Variants in ALS2 observed in about 807,000 individuals in gnomAD.
The protein encoded by ALS2 is alsin Rho guanine nucleotide exchange factor ALS2, also known as alsin.
In ALS2, 117 loss-of-function variants were observed where a neutral mutation model predicts 203.4. That is an observed-to-expected ratio of 0.58 (90% CI 0.50 to 0.67). The LOEUF (loss-of-function observed/expected upper bound fraction) is 0.67. Among genes scored for constraint, ALS2 ranks in the 30% least tolerant of loss-of-function variants. The probability of loss-of-function intolerance (pLI) is 0.00; values close to 1 mark genes in which losing one functional copy is unlikely to be tolerated. For synonymous variants in ALS2, 718 were observed against 725.9 expected (o/e 0.99, Z 0.17); for missense variants, 1,715 against 1,989.4 (o/e 0.86, Z 2.62).
At chr2:201,751,998 T>C (rs1693095304) in intron 7 of ALS2, among the ~76,000 whole-genome samples, 1 of 152,186 alleles carries the variant, frequency 6.6e-6, no homozygotes, top group Non-Finnish European at 1.5e-5. Flanking sequence ...GTTGCATTGA[T>C]CTGTTTAATT....
In ALS2 at chr2:201,761,271, A is replaced by T; in HGVS notation, c.723T>A (p.Thr241=). Residue 241 remains threonine (T), a synonymous_variant, in exon 4 of 34, where the codon ACT becomes ACA. Transcript: ENST00000264276. The part of the protein sequence containing the change: ...RCNQCSQLLI[T]MTDKEDHVII... ...TCACATGGTCTTCTTTGTCAGTCAT[A>T]GTAATCAAGAGCTGGCTGCACTGGT... 6.2e-7 allele frequency: 1 copy of T among 1,614,176 alleles called. No homozygotes were observed. Among genetic ancestry groups the T allele is most frequent in the East Asian group, 2.2e-5 (1 of 44,880 alleles).
intron 27 of ALS2, 49 bp downstream of exon 27, chr2:201,709,832 A>G: frequency 5.0e-6 from 8 of 1,610,712 alleles, no homozygotes; most frequent in Non-Finnish European, 6.8e-6. Flanking sequence ...AAGCACTGGT[A>G]TAAAATAGTA....
At chr2:201,732,511 T>A (rs1411548159) in intron 13 of ALS2, among the ~76,000 whole-genome samples, 1 of 151,790 alleles carries the variant, frequency 6.6e-6, no homozygotes, top group East Asian at 1.9e-4. Context: ...GAGGTTGCAG[T>A]GAGCCAAGAT....
intron 24 of ALS2, among the ~76,000 whole-genome samples, chr2:201,717,856 C>T (rs776565602): frequency 4.6e-5 from 7 of 151,900 alleles, no homozygotes; most frequent in Non-Finnish European, 7.4e-5. Flanking sequence ...GGGAGGATCA[C>T]GTGAACCCAG....
chr2:201,703,999 T>A, intron 33 of ALS2, 123 bp downstream of exon 33: 2 of 788,984 alleles, frequency 2.5e-6, no homozygotes, highest in Non-Finnish European at 4.3e-6. Context: ...CAAAATGTGC[T>A]CTAAAGGCAT....
In ALS2 at chr2:201,768,828, T is replaced by TCCTA. The variant is rs768555104; in HGVS notation, c.20+34_20+37dup. 2.1e-5 allele frequency: 34 copies of TCCTA among 1,603,688 alleles called. No individual in the cohort carries two copies. The South Asian group carries it at 3.3e-4, about 16-fold the overall frequency. ...ATATGTGAAGCTGTTTGCTATGTTT[T>TCCTA]CCTAGGAGGATAAGAGAAAAGGAAG... On this transcript the variant is annotated intron_variant, in intron 2 of 33. Transcript: ENST00000264276.
At chr2:201,775,658 C>T (rs1275386457) in intron 1 of ALS2, among the ~76,000 whole-genome samples, 3 of 152,234 alleles carry the variant, frequency 2.0e-5, no homozygotes, top group South Asian at 2.1e-4. Flanking sequence ...GGCCAACTAA[C>T]CACCAAGAAG....
intron 11 of ALS2, among the ~76,000 whole-genome samples, chr2:201,740,553 T>C (rs1692206859): frequency 6.6e-6 from 1 of 152,046 alleles, no homozygotes; most frequent in Non-Finnish European, 1.5e-5. Flanking sequence ...AAAATCTAGT[T>C]TTAAAAAAGA....
chr2:201,703,760 T>C (rs1438721284), intron 33 of ALS2, among the ~76,000 whole-genome samples: 1 of 152,230 alleles, frequency 6.6e-6, no homozygotes, highest in African/African-American at 2.4e-5. Flanking sequence ...CTGCCTTCTG[T>C]GTTTTACCCT....
chr2:201,724,158 C>T (rs975689165), intron 21 of ALS2, 137 bp downstream of exon 21: 4 of 885,094 alleles, frequency 4.5e-6, no homozygotes, highest in Non-Finnish European at 7.1e-6. Flanking sequence ...AAAGAAGGTT[C>T]ATTTTTCACC....
rs576502295 is a variant in ALS2, at chr2:201,761,398, G to A, written c.596C>T (p.Ala199Val). 4 of 1,611,046 alleles carry A rather than the reference G, an allele frequency of 2.5e-6. No individual in the cohort carries two copies. The highest frequency in any genetic ancestry group is 2.2e-5 in the South Asian group (2 of 90,972). Residue 199 changes from alanine to valine, a missense_variant, in exon 4 of 34, where the codon GCT becomes GTT. Physicochemically the swap from Ala to Val is moderately conservative, Grantham distance 64. Transcript: ENST00000264276. The stretch of plus-strand genomic sequence containing the variant: ...GGCAACTTGAAGCACCACTCGCCCA[G>A]CAAGATGTTCTACCTTTTGCGGCTT... The part of the protein sequence containing the change: ...VTKPQKVEHL[A>V]GRVVLQVACG...
chr2:201,750,702 A>G lies in ALS2; in HGVS notation c.1738-913T>C, dbSNP rs74472121. Among the ~76,000 whole-genome samples, 264 of 152,348 alleles carry G rather than the reference A, an allele frequency of 1.7e-3. 3 individuals are homozygous for G. The East Asian group carries it at 0.037, about 21-fold the overall frequency. ...AGTACAAAAATAAAAATAGAAATAA[A>G]GTGAAAATCACTGATCAACCACTTG... On this transcript the variant is annotated intron_variant, in intron 7 of 33. Coordinates refer to ENST00000264276, the MANE Select transcript of ALS2 (RefSeq NM_020919.4).
At chr2:201,727,384 T>A in intron 16 of ALS2, 106 bp from the exon 17 acceptor site, 1 of 999,338 alleles carries the variant, frequency 1.0e-6, no homozygotes, top group African/African-American at 1.6e-5. Flanking sequence ...GGAACAGAAA[T>A]CAATTAATGT....
intron 8 of ALS2, 146 bp downstream of exon 8, chr2:201,749,566 T>C: frequency 1.3e-6 from 1 of 782,342 alleles, no homozygotes; most frequent in Non-Finnish European, 2.1e-6. Context: ...TGGCTTCCTG[T>C]TTTTAAAAAT....
intron 5 of ALS2, among the ~76,000 whole-genome samples, chr2:201,756,319 T>A (rs1374193270): frequency 2.0e-5 from 3 of 151,180 alleles, no homozygotes; most frequent in East Asian, 3.9e-4. Context: ...TATATATACA[T>A]ATATATTCAC....
intron 12 of ALS2, among the ~76,000 whole-genome samples, chr2:201,738,188 T>C (rs1204213497): frequency 6.6e-6 from 1 of 152,202 alleles, no homozygotes. Flanking sequence ...ACCTTGGCTT[T>C]GTTGCTGGGT....
intron 11 of ALS2, 122 bp downstream of exon 11, chr2:201,741,552 G>A (rs1209182579): frequency 2.8e-6 from 3 of 1,072,154 alleles, no homozygotes; most frequent in Non-Finnish European, 4.2e-6. Context: ...TTAAAATACT[G>A]CTTTGCAATT....
intron 8 of ALS2, 83 bp from the exon 9 acceptor site, chr2:201,746,831 T>C (rs1692695080): frequency 1.7e-5 from 26 of 1,528,874 alleles, no homozygotes; most frequent in Middle Eastern, 1.7e-4. Context: ...AAACGTTAGG[T>C]TGCTTAAATA....
chr2:201,761,874 A>C, intron 3 of ALS2, 56 bp from the exon 4 acceptor site: 1 of 1,576,610 alleles, frequency 6.3e-7, no homozygotes, highest in Non-Finnish European at 8.6e-7. Context: ...ATTAACTAAA[A>C]ATTTTAACAG....
Sources: allele counts gnomAD v4.1 joint callset (sites outside exome capture counted in the v4.1 genomes callset), GRCh38; gene constraint gnomAD v4.1.1; transcripts MANE v1.5; gene names NCBI Gene and HGNC (gene_info 2026-07-23, HGNC 2026-07-21).